The following YIPF1 variants were observed in gnomAD, a reference collection of about 807,000 sequenced individuals.
YIPF1 encodes protein YIPF1.
YIPF1 carries 22 observed loss-of-function variants against 37.0 expected under a neutral mutation model. The ratio of observed to expected loss-of-function variants is 0.59; its 90% CI spans 0.42 to 0.85. The LOEUF is 0.85. Ranked by LOEUF, YIPF1 falls within the 40% of genes least tolerant of loss-of-function variation. The probability of loss-of-function intolerance (pLI) is 0.00; values close to 1 mark genes in which losing one functional copy is unlikely to be tolerated. For synonymous variants in YIPF1, 128 were observed against 131.9 expected (o/e 0.97, Z 0.21); for missense variants, 355 against 373.1 (o/e 0.95, Z 0.40).
chr1:53,861,685 AGAGAGAGG>A (rs1649883970), intron 9 of YIPF1, among the ~76,000 whole-genome samples: 1 of 95,004 alleles, frequency 1.1e-5, no homozygotes, highest in Non-Finnish European at 2.1e-5. Flanking sequence ...AGGAAGGGAG[AGAGAGAGG>A]GAGGGAGGGA....
chr1:53,878,893 T>C (rs1650407684), intron 4 of YIPF1, among the ~76,000 whole-genome samples, 171 bp from the exon 5 acceptor site: 1 of 152,120 alleles, frequency 6.6e-6, no homozygotes, highest in Admixed American at 6.6e-5. Flanking sequence ...CTCAGCCTGA[T>C]TAGAAAAACA....
At chr1:53,869,247 A>C (rs540157017) in intron 7 of YIPF1, among the ~76,000 whole-genome samples, 1 of 151,388 alleles carries the variant, frequency 6.6e-6, no homozygotes, top group Non-Finnish European at 1.5e-5. Context: ...CAGGGTTTCT[A>C]TCTCATGGTT....
chr1:53,865,507 TA>T (rs1190044028), intron 9 of YIPF1, among the ~76,000 whole-genome samples: 1 of 152,172 alleles, frequency 6.6e-6, no homozygotes, highest in African/African-American at 2.4e-5. Flanking sequence ...GTAAAGCACA[TA>T]GGAGGATGTC....
At chr1:53,866,103 G>A (rs1276727722) in intron 9 of YIPF1, 97 bp downstream of exon 9, 1 of 1,454,814 alleles carries the variant, frequency 6.9e-7, no homozygotes, top group African/African-American at 1.4e-5. Context: ...CCCAGCCCAT[G>A]GACTCAATTT....
intron 9 of YIPF1, among the ~76,000 whole-genome samples, chr1:53,864,701 T>C (rs1303649473): frequency 6.6e-6 from 1 of 152,206 alleles, no homozygotes; most frequent in East Asian, 1.9e-4. Context: ...CTTAACATTC[T>C]TGGACTCTGA....
intron 3 of YIPF1, among the ~76,000 whole-genome samples, chr1:53,884,234 C>CAAAAAAAAAA (rs3058236): frequency 9.6e-5 from 11 of 114,200 alleles, no homozygotes; most frequent in African/African-American, 3.3e-4. Flanking sequence ...GACTTTGTCT[C>CAAAAAAAAAA]AAAAAAAAAA....
chr1:53,866,933 G>T lies in YIPF1; in HGVS notation c.482-9C>A. 1 of 1,602,966 alleles carries T rather than the reference G, an allele frequency of 6.2e-7. No individual in the cohort carries two copies. Among genetic ancestry groups the T allele is most frequent in the Non-Finnish European group, 8.5e-7 (1 of 1,175,492 alleles). On this transcript the variant is annotated splice_polypyrimidine_tract_variant and intron_variant, in intron 7 of 10. Transcript: ENST00000072644. ...GGTAGCTGCTATGGACACTGAGGAT[G>T]ACAGGACACAAGTTTCAATCTCCAT...
intron 7 of YIPF1, among the ~76,000 whole-genome samples, chr1:53,869,774 T>C (rs984954181): frequency 2.0e-5 from 3 of 152,176 alleles, no homozygotes; most frequent in Admixed American, 2.0e-4. Flanking sequence ...AAGGACGTTT[T>C]AAAACAAGAA....
In YIPF1 at chr1:53,871,458, A is replaced by G. The variant is rs1175637474; in HGVS notation, c.395T>C (p.Phe132Ser). ...AAGATTCCCACTAATTGCTATGGCA[A>G]AGACCAACGTGGCACATATCCAAAA... Reference protein sequence around the residue: ...GPFWICATLVFAIAISGNLSN... With the variant: ...GPFWICATLVSAIAISGNLSN... The change falls in exon 7 of 11, where the codon TTT (phenylalanine) becomes TCT (serine). Residue 132 changes from phenylalanine to serine, a missense_variant. Physicochemically the swap from Phe to Ser is radical, Grantham distance 155 (BLOSUM62 -2). Transcript: ENST00000072644. The G allele has an allele frequency of 1.2e-6, 2 of 1,614,144 alleles. No homozygotes were observed. Among genetic ancestry groups the G allele is most frequent in the Non-Finnish European group, 1.7e-6 (2 of 1,179,964 alleles).
intron 7 of YIPF1, among the ~76,000 whole-genome samples, chr1:53,868,577 C>T (rs1383221527): frequency 2.0e-5 from 3 of 152,160 alleles, no homozygotes; most frequent in African/African-American, 4.8e-5. Context: ...ACATTTATTT[C>T]ATACAATCTA....
chr1:53,860,404 T>A (rs1172221777), intron 9 of YIPF1, among the ~76,000 whole-genome samples: 1 of 152,210 alleles, frequency 6.6e-6, no homozygotes, highest in East Asian at 1.9e-4. Context: ...AATAACCCTA[T>A]GAGGTTGTTA....
intron 4 of YIPF1, among the ~76,000 whole-genome samples, chr1:53,882,471 T>C (rs1650527760): frequency 6.6e-6 from 1 of 151,970 alleles, no homozygotes; most frequent in Non-Finnish European, 1.5e-5. Flanking sequence ...TTTTTCTTTC[T>C]TCTGGAGACA....
intron 3 of YIPF1, among the ~76,000 whole-genome samples, chr1:53,884,446 CCTG>C (rs1430126570): frequency 6.6e-6 from 1 of 152,074 alleles, no homozygotes; most frequent in Non-Finnish European, 1.5e-5. Context: ...AATTTTGCAT[CCTG>C]CTTTGTCAAG....
chr1:53,857,096 G>A (rs555265985), intron 10 of YIPF1, among the ~76,000 whole-genome samples: 21 of 152,302 alleles, frequency 1.4e-4, no homozygotes, highest in African/African-American at 3.6e-4. Flanking sequence ...CCAAATGACC[G>A]TCAGCAAGAA....
chr1:53,883,912 T>C (rs1475181696), intron 3 of YIPF1, among the ~76,000 whole-genome samples: 1 of 152,038 alleles, frequency 6.6e-6, no homozygotes, highest in Non-Finnish European at 1.5e-5. Flanking sequence ...GGCACATGCC[T>C]TGTAATCCCA....
chr1:53,871,286 G>T, intron 7 of YIPF1, 86 bp downstream of exon 7: 1 of 1,174,568 alleles, frequency 8.5e-7, no homozygotes, highest in Admixed American at 1.8e-5. Flanking sequence ...GCAGCATCTA[G>T]AGATGGGGCC....
At chr1:53,855,008 A>G (rs554390097) in intron 10 of YIPF1, 13 of 151,868 alleles carry the variant, frequency 8.6e-5, no homozygotes, top group African/African-American at 3.1e-4. Flanking sequence ...TACCTGGAGA[A>G]GTCAAGAAAA....
chr1:53,856,810 C>A (rs1649730536), intron 10 of YIPF1, among the ~76,000 whole-genome samples: 2 of 152,172 alleles, frequency 1.3e-5, no homozygotes, highest in African/African-American at 4.8e-5. Flanking sequence ...GTGCTTGTGA[C>A]TGAGAATCTA....
At chr1:53,881,091 C>T (rs1404600533) in intron 4 of YIPF1, among the ~76,000 whole-genome samples, 1 of 151,628 alleles carries the variant, frequency 6.6e-6, no homozygotes, top group Non-Finnish European at 1.5e-5. Flanking sequence ...GGTGAAACCC[C>T]GTCTCTACTA....
Sources: allele counts gnomAD v4.1 joint callset (sites outside exome capture counted in the v4.1 genomes callset), GRCh38; gene constraint gnomAD v4.1.1; transcripts MANE v1.5; gene names NCBI Gene and HGNC (gene_info 2026-07-23, HGNC 2026-07-21).